NLGN1: variants seen among roughly 807,000 people sequenced by gnomAD.
NLGN1 encodes the protein neuroligin-1.
A neutral mutation model predicts 65.5 loss-of-function variants in NLGN1; 12 were observed. The observed-to-expected ratio is 0.18, with a 90% CI of 0.12 to 0.30. The LOEUF (loss-of-function observed/expected upper bound fraction) is 0.30. Ranked by LOEUF, NLGN1 falls within the 10% of genes least tolerant of loss-of-function variation. The pLI is 1.00. For synonymous variants in NLGN1, 350 were observed against 359.5 expected (o/e 0.97, Z 0.30); for missense variants, 750 against 1,007.1 (o/e 0.74, Z 3.46).
intron 2 of NLGN1, among the ~76,000 whole-genome samples, chr3:173,525,048 C>T (rs941613717): frequency 3.3e-5 from 5 of 152,034 alleles, no homozygotes; most frequent in Non-Finnish European, 5.9e-5. Flanking sequence ...TGTGTTCTTA[C>T]CTGATCAGAG....
chr3:174,148,931 G>A (rs1723837509), intron 4 of NLGN1, among the ~76,000 whole-genome samples: 1 of 152,124 alleles, frequency 6.6e-6, no homozygotes, highest in African/African-American at 2.4e-5. Context: ...GTATTGCAGT[G>A]TGTCATTCAA....
At chr3:174,063,905 A>G (rs779284401) in intron 4 of NLGN1, among the ~76,000 whole-genome samples, 9 of 152,038 alleles carry the variant, frequency 5.9e-5, no homozygotes, top group African/African-American at 2.2e-4. Context: ...AATAAAAACA[A>G]GGGGGCTGGG....
intron 4 of NLGN1, among the ~76,000 whole-genome samples, chr3:174,074,862 G>A (rs1240318481): frequency 1.3e-5 from 2 of 152,268 alleles, no homozygotes; most frequent in East Asian, 3.9e-4. Flanking sequence ...GATACATGCT[G>A]GCCACAACTA....
At chr3:173,417,777 G>A (rs1411535625) in intron 1 of NLGN1, among the ~76,000 whole-genome samples, 1 of 151,836 alleles carries the variant, frequency 6.6e-6, no homozygotes, top group Non-Finnish European at 1.5e-5. Flanking sequence ...AAAACATAAA[G>A]GGAATGAATG....
chr3:173,646,668 A>G (rs1490365557), intron 3 of NLGN1, among the ~76,000 whole-genome samples: 4 of 152,228 alleles, frequency 2.6e-5, no homozygotes, highest in African/African-American at 7.2e-5. Context: ...CCCTAAATCA[A>G]TGACTAAAAT....
intron 4 of NLGN1, among the ~76,000 whole-genome samples, chr3:173,972,594 A>G (rs1332634438): frequency 6.6e-6 from 1 of 152,116 alleles, no homozygotes; most frequent in Non-Finnish European, 1.5e-5. Context: ...AGAAAAGATA[A>G]TGATAAAATT....
At chr3:173,407,504 G>A (rs1286360504) in intron 1 of NLGN1, among the ~76,000 whole-genome samples, 1 of 152,142 alleles carries the variant, frequency 6.6e-6, no homozygotes, top group Non-Finnish European at 1.5e-5. Flanking sequence ...CTGTATATAA[G>A]TTACCATGAT....
At chr3:173,628,133 G>A (rs1577617335) in intron 3 of NLGN1, among the ~76,000 whole-genome samples, 3 of 152,192 alleles carry the variant, frequency 2.0e-5, no homozygotes, top group South Asian at 2.1e-4. Flanking sequence ...CAAGCTTTTC[G>A]GAGCCCTGTG....
chr3:173,811,775 A>G (rs7612766), intron 4 of NLGN1, among the ~76,000 whole-genome samples: 4,604 of 152,198 alleles, frequency 0.03, 187 homozygotes, highest in East Asian at 0.17. Flanking sequence ...AGATGTCCAC[A>G]AAACATTTTT....
intron 3 of NLGN1, among the ~76,000 whole-genome samples, chr3:173,638,376 T>C (rs1056826763): frequency 3.3e-5 from 4 of 121,598 alleles, no homozygotes; most frequent in African/African-American, 1.1e-4. Flanking sequence ...TCTGCAAAAA[T>C]CATTATAAAA....
chr3:174,234,572 A>G (rs1298329263), intron 4 of NLGN1, among the ~76,000 whole-genome samples: 1 of 152,174 alleles, frequency 6.6e-6, no homozygotes. Flanking sequence ...CTTACCATGA[A>G]GCTGATGAGC....
At chr3:174,253,248 C>A (rs1333239691) in intron 4 of NLGN1, among the ~76,000 whole-genome samples, 1 of 152,256 alleles carries the variant, frequency 6.6e-6, no homozygotes, top group South Asian at 2.1e-4. Flanking sequence ...TAACAATATG[C>A]TCTTTTTATT....
chr3:174,224,140 C>T (rs1213730899), intron 4 of NLGN1, among the ~76,000 whole-genome samples: 1 of 152,138 alleles, frequency 6.6e-6, no homozygotes, highest in South Asian at 2.1e-4. Flanking sequence ...TTATCTTTCT[C>T]GTTCCATAGA....
At chr3:174,086,782 AT>A (rs565052259) in intron 4 of NLGN1, among the ~76,000 whole-genome samples, 4 of 152,154 alleles carry the variant, frequency 2.6e-5, no homozygotes, top group South Asian at 4.1e-4. Context: ...TGTAACATTT[AT>A]TTTTTTCTTA....
intron 2 of NLGN1, among the ~76,000 whole-genome samples, chr3:173,458,828 T>G (rs1722912746): frequency 6.6e-6 from 1 of 152,128 alleles, no homozygotes; most frequent in Non-Finnish European, 1.5e-5. Context: ...CCCCTTGGCT[T>G]TTTTCTTATG....
At chr3:174,110,678 A>G (rs1005486868) in intron 4 of NLGN1, among the ~76,000 whole-genome samples, 1 of 152,056 alleles carries the variant, frequency 6.6e-6, no homozygotes, top group African/African-American at 2.4e-5. Flanking sequence ...TTTGCTTGAT[A>G]TAGTCTGTTA....
intron 4 of NLGN1, among the ~76,000 whole-genome samples, chr3:173,822,439 G>A (rs1470387784): frequency 6.6e-6 from 1 of 152,116 alleles, no homozygotes; most frequent in East Asian, 1.9e-4. Context: ...GAAAACTACT[G>A]ATTATAGGTT....
intron 2 of NLGN1, among the ~76,000 whole-genome samples, chr3:173,599,485 G>A (rs1196580721): frequency 1.3e-5 from 2 of 152,076 alleles, no homozygotes; most frequent in Non-Finnish European, 2.9e-5. Context: ...CAGTAATCAG[G>A]TTCTCTTACA....
At chr3:174,220,267 G>C (rs559924991) in intron 4 of NLGN1, among the ~76,000 whole-genome samples, 22 of 152,246 alleles carry the variant, frequency 1.4e-4, no homozygotes, top group Non-Finnish European at 3.2e-4. Context: ...CACTGGTTCT[G>C]TGATGAAATC....
Sources: allele counts gnomAD v4.1 joint callset (sites outside exome capture counted in the v4.1 genomes callset), GRCh38; gene constraint gnomAD v4.1.1; transcripts MANE v1.5; gene names NCBI Gene and HGNC (gene_info 2026-07-23, HGNC 2026-07-21).